Variants in EML1 observed in about 807,000 individuals in gnomAD.
EML1 encodes the protein echinoderm microtubule-associated protein-like 1.
A neutral mutation model predicts 110.4 loss-of-function variants in EML1; 27 were observed. That is an observed-to-expected ratio of 0.24 (90% confidence interval 0.18 to 0.34). The LOEUF is 0.34. Ranked by LOEUF, EML1 falls within the 10% of genes least tolerant of loss-of-function variation. The pLI, the probability that EML1 is intolerant of heterozygous loss-of-function variation, is 1.00. For synonymous variants in EML1, 344 were observed against 385.8 expected (o/e 0.89, Z 1.27); for missense variants, 741 against 1,030.9 (o/e 0.72, Z 3.85).
At chr14:99,902,968 A>T (rs1226286194) in intron 9 of EML1, among the ~76,000 whole-genome samples, 1 of 152,214 alleles carries the variant, frequency 6.6e-6, no homozygotes, top group Non-Finnish European at 1.5e-5. Context: ...AAAAATAACC[A>T]GTTTCTCCAG....
chr14:99,892,187 A>G, intron 5 of EML1: 1 of 985,392 alleles, frequency 1.0e-6, no homozygotes, highest in South Asian at 4.7e-5. Context: ...CGGGTGACAC[A>G]CTGCAAAGGT....
chr14:99,843,922 TATAAA>T (rs577403827), intron 1 of EML1, among the ~76,000 whole-genome samples: 192 of 152,316 alleles, frequency 1.3e-3, no homozygotes, highest in African/African-American at 4.4e-3. Context: ...GGAAGACAGA[TATAAA>T]ATACCTTCTT....
chr14:99,843,314 A>G (rs759313766), intron 1 of EML1, among the ~76,000 whole-genome samples: 7 of 152,200 alleles, frequency 4.6e-5, no homozygotes, highest in African/African-American at 7.2e-5. Context: ...AAAAGCAAAT[A>G]TTATTAATTA....
At chr14:99,757,723 T>C (rs1474319253) in intron 1 of EML1, among the ~76,000 whole-genome samples, 1 of 152,222 alleles carries the variant, frequency 6.6e-6, no homozygotes, top group Non-Finnish European at 1.5e-5. Flanking sequence ...TGGGAAAACT[T>C]TTAAGCTCCC....
chr14:99,747,576 T>A (rs560586411), intron 1 of EML1, among the ~76,000 whole-genome samples: 5 of 152,256 alleles, frequency 3.3e-5, no homozygotes, highest in African/African-American at 1.2e-4. Context: ...CCAAGGAACA[T>A]CCTTTCTGTG....
At chr14:99,748,342 T>A (rs758587685) in intron 1 of EML1, among the ~76,000 whole-genome samples, 2 of 152,070 alleles carry the variant, frequency 1.3e-5, no homozygotes, top group Non-Finnish European at 2.9e-5. Flanking sequence ...CTCCCCGGTT[T>A]CTGGGAGGAA....
At chr14:99,878,710 A>C in intron 4 of EML1, 91 bp downstream of exon 4, 1 of 1,500,230 alleles carries the variant, frequency 6.7e-7, no homozygotes, top group Non-Finnish European at 8.9e-7. Flanking sequence ...CTCATATTCC[A>C]ACAAGCTGGG....
chr14:99,786,927 A>G (rs1369464244), intron 1 of EML1, among the ~76,000 whole-genome samples: 2 of 152,204 alleles, frequency 1.3e-5, no homozygotes, highest in African/African-American at 4.8e-5. Flanking sequence ...ACCAGGACAG[A>G]GGGAGATGAA....
intron 1 of EML1, among the ~76,000 whole-genome samples, chr14:99,796,186 CAGAGAGAGAGAGAGAGAGAGAG>C (rs57818494): frequency 1.1e-3 from 130 of 119,270 alleles, no homozygotes; most frequent in South Asian, 0.01. Flanking sequence ...GACCCTGTCT[CAGAGAGAGAGAGAGAGAGAGAG>C]AGAGAGAGAG....
chr14:99,847,807 T>C (rs1755281253), intron 1 of EML1, among the ~76,000 whole-genome samples: 1 of 152,194 alleles, frequency 6.6e-6, no homozygotes, highest in African/African-American at 2.4e-5. Flanking sequence ...CTGATATTAA[T>C]ATTGCCATCC....
chr14:99,739,106 G>GAC lies in EML1; in HGVS notation c.28+1247_28+1248insCA, dbSNP rs1205961272. Reference sequence around the variant, plus strand: ...TGTGTGTGTGTGAGAGAGAGAGACAGAGAGAGAGAGAGAGTGTGTGTGTGT... The same window carrying GAC: ...TGTGTGTGTGTGAGAGAGAGAGACAGACAGAGAGAGAGAGAGTGTGTGTGTGT... On this transcript the variant is annotated intron_variant, in intron 1 of 10. Transcript: ENST00000554479. Among the ~76,000 whole-genome samples, 73 of 68,486 alleles carry GAC rather than the reference G, an allele frequency of 1.1e-3. 1 individual carries two copies. Among genetic ancestry groups the GAC allele is most frequent in the African/African-American group, 3.7e-3 (69 of 18,868 alleles). The allele number at this position is 68,486 out of a possible 152,430, so 44.9% of individuals were successfully genotyped here.
intron 1 of EML1, among the ~76,000 whole-genome samples, chr14:99,754,874 C>T (rs1245098103): frequency 6.6e-6 from 1 of 152,208 alleles, no homozygotes; most frequent in East Asian, 1.9e-4. Context: ...GCTGTTGCCT[C>T]CCCCGCCCCA....
At chr14:99,773,115 G>C (rs567116836) in exon 1 of EML1, 1 of 152,306 alleles carries the variant, frequency 6.6e-6, no homozygotes, top group African/African-American at 2.4e-5. Context: ...CAGGGCTCAG[G>C]CCTCAGGGCT....
intron 13 of EML1, among the ~76,000 whole-genome samples, chr14:99,913,677 T>C (rs940274034): frequency 7.9e-5 from 12 of 152,116 alleles, no homozygotes; most frequent in Non-Finnish European, 1.5e-5. Context: ...GATCACTCAC[T>C]CAACAGTTGG....
At chr14:99,822,267 C>T (rs149589870) in intron 1 of EML1, among the ~76,000 whole-genome samples, 3,994 of 152,236 alleles carry the variant, frequency 0.026, 82 homozygotes, top group Non-Finnish European at 0.041. Context: ...ATACCAAATG[C>T]AGGCACTATA....
In EML1 at chr14:99,920,858, T is replaced by C; in HGVS notation, c.1890T>C (p.Ser630=). Residue 630 remains serine (S), a synonymous_variant, in exon 17 of 22, where the codon TCT becomes TCC. Coordinates refer to ENST00000262233, the MANE Select transcript of EML1 (RefSeq NM_004434.3). ...ACACAGATGGAAACGAACAGCTCTC[T>C]GTAATGCGATACTCACCAGGTTAGA... ...TVHTDGNEQL[S]VMRYSPDGNF... 6.2e-7 allele frequency: 1 copy of C among 1,613,792 alleles called. No individual in the cohort carries two copies. The highest frequency in any genetic ancestry group is 8.5e-7 in the Non-Finnish European group (1 of 1,179,924).
At chr14:99,907,581 A>G (rs2059873065) in intron 9 of EML1, 57 bp from the exon 10 acceptor site, 6 of 1,470,884 alleles carry the variant, frequency 4.1e-6, no homozygotes, top group East Asian at 2.3e-5. Context: ...ATTTTTAATC[A>G]TGTTCAACCC....
chr14:99,847,164 A>G (rs1230643221), intron 1 of EML1, among the ~76,000 whole-genome samples: 1 of 152,216 alleles, frequency 6.6e-6, no homozygotes, highest in Non-Finnish European at 1.5e-5. Context: ...TTCTAACAAT[A>G]TCATTGTGGT....
chr14:99,771,675 G>A (rs1158052399), upstream of EML1, among the ~76,000 whole-genome samples: 2 of 152,156 alleles, frequency 1.3e-5, no homozygotes, highest in African/African-American at 2.4e-5. Context: ...AGCCAGGCAT[G>A]GTGGTGTGTG....
Sources: gnomAD v4.1 joint callset for allele counts (sites outside exome capture counted in the v4.1 genomes callset) on GRCh38, gnomAD v4.1.1 for gene constraint, MANE v1.5 for transcripts, NCBI Gene and HGNC (gene_info 2026-07-23, HGNC 2026-07-21) for gene names.